The following NTRK2 variants were observed in gnomAD, a reference collection of about 807,000 sequenced individuals.
NTRK2 encodes the protein neurotrophic receptor tyrosine kinase 2.
NTRK2 carries 13 observed loss-of-function variants against 94.5 expected under a neutral mutation model. That is an observed-to-expected ratio of 0.14 (90% CI 0.09 to 0.22). The LOEUF is 0.22. Ranked by LOEUF, NTRK2 falls within the 10% of genes least tolerant of loss-of-function variation. The pLI is 1.00. For missense variants in NTRK2, 639 were observed against 1,071.2 expected (o/e 0.60, Z 5.63); for synonymous variants, 372 against 407.4 (o/e 0.91, Z 1.05).
chr9:84,877,753 A>G, intron 14 of NTRK2: 1 of 1,056,648 alleles, frequency 9.5e-7, no homozygotes. Context: ...GGGCTTGCCC[A>G]CGTGTATGTA....
chr9:84,827,733 G>A (rs2073278416), intron 12 of NTRK2, among the ~76,000 whole-genome samples: 1 of 151,522 alleles, frequency 6.6e-6, no homozygotes, highest in Non-Finnish European at 1.5e-5. Flanking sequence ...ATTGCAAGCT[G>A]CCAATGCTTA....
At position 84,874,133 on chromosome 9, in the gene NTRK2, G is replaced by A. The variant is rs202138008; in HGVS notation, c.1633+6702G>A. On this transcript the variant is annotated intron_variant, in intron 14 of 18. Transcript: ENST00000277120. The stretch of plus-strand genomic sequence containing the variant: ...AACAGGATGAATCCAATCAAGCTAC[G>A]CCCCCATTTTGGTTTCGGATTGGCC... 22 of 1,064,674 alleles carry A rather than the reference G, an allele frequency of 2.1e-5. No individual in the cohort carries two copies. The East Asian group carries it at 2.5e-4, about 12-fold the overall frequency. The allele number at this position is 1,064,674 out of a possible 1,614,324, so 66.0% of individuals were successfully genotyped here.
At chr9:84,741,847 T>A (rs772979736) in intron 9 of NTRK2, 45 bp from the exon 10 acceptor site, 2 of 1,580,212 alleles carry the variant, frequency 1.3e-6, no homozygotes, top group African/African-American at 2.7e-5. Context: ...ATTTTTTGAC[T>A]CCAAAATGCA....
chr9:84,744,927 A>T, intron 10 of NTRK2, 46 bp from the exon 11 acceptor site: 1 of 1,330,496 alleles, frequency 7.5e-7, no homozygotes. Context: ...TTGGCAGCTT[A>T]ATGACAACTT....
intron 12 of NTRK2, among the ~76,000 whole-genome samples, chr9:84,776,059 C>T (rs2132930211): frequency 6.6e-6 from 1 of 152,192 alleles, no homozygotes; most frequent in East Asian, 1.9e-4. Flanking sequence ...CTGTTTTCTA[C>T]ATTATTACCT....
chr9:84,898,135 T>C (rs149927452), intron 14 of NTRK2, among the ~76,000 whole-genome samples: 9 of 152,218 alleles, frequency 5.9e-5, no homozygotes, highest in African/African-American at 2.2e-4. Context: ...TTCTGTCTTT[T>C]TGGGAAATGA....
At chr9:84,754,972 A>G (rs1276561851) in intron 12 of NTRK2, among the ~76,000 whole-genome samples, 1 of 152,210 alleles carries the variant, frequency 6.6e-6, no homozygotes, top group African/African-American at 2.4e-5. Context: ...GCCCAGAGAA[A>G]CAAACCCCAG....
intron 5 of NTRK2, among the ~76,000 whole-genome samples, chr9:84,708,834 A>G (rs1204531439): frequency 1.3e-5 from 2 of 152,226 alleles, no homozygotes; most frequent in African/African-American, 4.8e-5. Context: ...GCAATTGAGA[A>G]TTATTTGGAA....
chr9:84,876,871 G>C, intron 14 of NTRK2: 1 of 1,062,736 alleles, frequency 9.4e-7, no homozygotes, highest in Non-Finnish European at 1.1e-6. Flanking sequence ...AGGAGTCTTT[G>C]TTCTGGGTTG....
intron 14 of NTRK2, among the ~76,000 whole-genome samples, chr9:84,887,513 T>C (rs1053980118): frequency 6.6e-5 from 10 of 152,240 alleles, no homozygotes; most frequent in Admixed American, 6.5e-4. Flanking sequence ...TAACATCACT[T>C]ATGATGCCTT....
At chr9:84,813,148 C>G (rs201527842) in intron 12 of NTRK2, 1 of 1,044,204 alleles carries the variant, frequency 9.6e-7, no homozygotes, top group Non-Finnish European at 1.2e-6. Flanking sequence ...GGGCCTGTCA[C>G]TCTCCAATAA....
At position 84,875,916 on chromosome 9, in the gene NTRK2, A is replaced by C. The variant is rs1192993504; in HGVS notation, c.1633+8485A>C. 10 of 1,038,356 alleles carry C rather than the reference A, an allele frequency of 9.6e-6. No individual in the cohort carries two copies. The Admixed American group carries it at 5.0e-4, about 52-fold the overall frequency. 64.3% of individuals were successfully genotyped at this position (1,038,356 alleles called of 1,614,324 possible). On this transcript the variant is annotated intron_variant, in intron 14 of 18. Transcript: ENST00000277120. ...TTTAAGAGATTATAAAAATGAGTTC[A>C]AATGAATAAGTTCCTGTGATGTAAG...
intron 2 of NTRK2, 34 bp downstream of exon 2, chr9:84,670,994 T>C: frequency 6.3e-7 from 1 of 1,595,004 alleles, no homozygotes; most frequent in East Asian, 2.2e-5. Context: ...CTTTTTCTCC[T>C]TGCCCCTAGG....
intron 13 of NTRK2, among the ~76,000 whole-genome samples, chr9:84,861,634 C>T (rs1446132120): frequency 6.6e-6 from 1 of 152,166 alleles, no homozygotes; most frequent in African/African-American, 2.4e-5. Flanking sequence ...CAGTTTGTAG[C>T]TTACCAAGTG....
At chr9:84,809,495 GTTATATAAT>G (rs1214375645) in intron 12 of NTRK2, among the ~76,000 whole-genome samples, 13 of 150,134 alleles carry the variant, frequency 8.7e-5, no homozygotes. Flanking sequence ...TGCTATATAA[GTTATATAAT>G]GAATACTACA....
At chr9:84,907,438 T>A (rs1564453540) in intron 14 of NTRK2, among the ~76,000 whole-genome samples, 1 of 152,242 alleles carries the variant, frequency 6.6e-6, no homozygotes, top group Non-Finnish European at 1.5e-5. Flanking sequence ...TGGTTCCCTA[T>A]TATTACCAGC....
chr9:84,974,570 C>T (rs1003327051), intron 17 of NTRK2, among the ~76,000 whole-genome samples: 1 of 152,164 alleles, frequency 6.6e-6, no homozygotes, highest in Non-Finnish European at 1.5e-5. Context: ...AGATTGAATT[C>T]CTCTCCACAT....
At chr9:84,773,714 G>A (rs758375336) in intron 12 of NTRK2, among the ~76,000 whole-genome samples, 2 of 152,102 alleles carry the variant, frequency 1.3e-5, no homozygotes, top group African/African-American at 4.8e-5. Context: ...GTTTATGATA[G>A]CCAGTTTCTA....
chr9:84,798,913 T>C (rs544054846), intron 12 of NTRK2, among the ~76,000 whole-genome samples: 12 of 4,746 alleles, frequency 2.5e-3, no homozygotes, highest in Non-Finnish European at 4.5e-3. Flanking sequence ...TTCTAAGTGC[T>C]ATATATATAT....
Sources: allele counts gnomAD v4.1 joint callset (sites outside exome capture counted in the v4.1 genomes callset), GRCh38; gene constraint gnomAD v4.1.1; transcripts MANE v1.5; gene names NCBI Gene and HGNC (gene_info 2026-07-23, HGNC 2026-07-21).